Variants in ZNF512B observed in about 807,000 individuals in gnomAD.
ZNF512B encodes zinc finger protein 512B.
ZNF512B carries 22 observed loss-of-function variants against 87.8 expected under a neutral mutation model. The ratio of observed to expected loss-of-function variants is 0.25; its 90% CI spans 0.18 to 0.36. The LOEUF is 0.36. ZNF512B is among the 10% of genes least tolerant of loss of function. The pLI, the probability that ZNF512B is intolerant of heterozygous loss-of-function variation, is 1.00. For missense variants in ZNF512B, 1,060 were observed against 1,231.6 expected (o/e 0.86, Z 2.09); for synonymous variants, 524 against 490.9 (o/e 1.07, Z -0.89).
chr20:63,964,498 G>T lies in ZNF512B; in HGVS notation c.1253C>A (p.Thr418Lys). The T allele has an allele frequency of 6.2e-7, 1 of 1,612,918 alleles. No homozygotes were observed. ...TGGAGCTCTCATCTTACTGTGCTTT[G>T]TGCGCTCCGGGTCCTCCTCAGGCGG... The part of the protein sequence containing the change: ...ASPPEEDPER[T>K]KHRRKQKTPK... The change falls in exon 6 of 17, where the codon ACA (threonine) becomes AAA (lysine). Residue 418 changes from threonine (T) to lysine (K), a missense_variant. Coordinates refer to ENST00000369888, the MANE Select transcript of ZNF512B (RefSeq NM_020713.3).
chr20:63,962,907 C>G (rs764953168), intron 12 of ZNF512B, 126 bp from the exon 13 acceptor site: 3 of 1,266,430 alleles, frequency 2.4e-6, no homozygotes, highest in Non-Finnish European at 3.2e-6. Flanking sequence ...ACATGGCTGA[C>G]GCAGGCAACC....
Position 63,958,209 on chromosome 20 carries a change from G to C in ZNF512B, c.*1679C>G, listed in dbSNP as rs2058804437. ...AGCCCAGTGGGGCCCCTTCTCCCTGGGGAATGGGGGAGGGTGGGTGCTGGG... is the reference window on the plus strand; with the variant it reads ...AGCCCAGTGGGGCCCCTTCTCCCTGCGGAATGGGGGAGGGTGGGTGCTGGG... On this transcript the variant is annotated 3_prime_UTR_variant, in exon 17 of 17. Coordinates refer to ENST00000369888, the MANE Select transcript of ZNF512B (RefSeq NM_020713.3). The C allele has an allele frequency of 6.6e-6, 1 of 152,242 alleles. No homozygotes were observed. The highest frequency in any genetic ancestry group is 6.6e-5 in the Admixed American group (1 of 15,264). 9.4% of individuals were successfully genotyped at this position (152,242 alleles called of 1,614,324 possible).
chr20:63,964,500 G>A lies in ZNF512B; in HGVS notation c.1251C>T (p.Arg417=). The stretch of plus-strand genomic sequence containing the variant: ...GAGCTCTCATCTTACTGTGCTTTGT[G>A]CGCTCCGGGTCCTCCTCAGGCGGGG... ...PASPPEEDPE[R]TKHRRKQKTP... is the part of the protein sequence containing the mutation. Residue 417 remains arginine (R), a synonymous_variant, in exon 6 of 17, where the codon CGC becomes CGT. Coordinates refer to ENST00000369888, the MANE Select transcript of ZNF512B (RefSeq NM_020713.3). 6.2e-7 allele frequency: 1 copy of A among 1,612,892 alleles called. No homozygotes were observed.
Position 63,964,303 on chromosome 20 carries a change from C to T in ZNF512B, c.1333+17G>A, listed in dbSNP as rs1428866362. On this transcript the variant is annotated intron_variant, in intron 7 of 16. Transcript: ENST00000369888. The stretch of plus-strand genomic sequence containing the variant: ...ACAGCCCCAGCCCTGGAGGTGCACA[C>T]CGGGCTGGGGTCTTACCTTTGAGCC... 6.2e-7 allele frequency: 1 copy of T among 1,613,872 alleles called. No individual in the cohort carries two copies.
chr20:63,962,607 G>A lies in ZNF512B; in HGVS notation c.2143C>T (p.Leu715Phe). ...DWTKRRMKDD[L>F]VPETARLNYT... Reference sequence around the variant, plus strand: ...CTCACCCGTGCGGTCTCGGGCACAAGGTCATCCTTCATGCGCCGCTTGGTC... The same window carrying A: ...CTCACCCGTGCGGTCTCGGGCACAAAGTCATCCTTCATGCGCCGCTTGGTC... The change falls in exon 13 of 17, where the codon CTT becomes TTT. Residue 715 changes from leucine (L) to phenylalanine (F), a missense_variant. Physicochemically the swap from Leu to Phe is conservative, Grantham distance 22. Around this residue, in one of 9 missense-constraint regions of ZNF512B, gnomAD observed 253 missense variants for 259.2 expected, o/e 0.98. Coordinates refer to ENST00000369888, the MANE Select transcript of ZNF512B (RefSeq NM_020713.3). 1.2e-6 allele frequency: 2 copies of A among 1,607,234 alleles called. No individual in the cohort carries two copies.
In ZNF512B at chr20:63,964,551, C is replaced by T. The variant is rs763064210; in HGVS notation, c.1200G>A (p.Glu400=). The T allele has an allele frequency of 1.2e-5, 19 of 1,613,038 alleles. 1 individual carries two copies. The South Asian group carries it at 1.9e-4, about 16-fold the overall frequency. The stretch of plus-strand genomic sequence containing the variant: ...ACGCAGGGCCTGCAGCCTTCAGTGC[C>T]TCCATGCCCCCTGACGGCCTGCTGC... ...SPGSRPSGGM[E]ALKAAGPASP... Residue 400 remains glutamate, a synonymous_variant, in exon 6 of 17, where the codon GAG becomes GAA. Coordinates refer to ENST00000369888, the MANE Select transcript of ZNF512B (RefSeq NM_020713.3).
In ZNF512B at chr20:63,959,557, C is replaced by A. The variant is rs944348294; in HGVS notation, c.*331G>T. 1.8e-5 allele frequency: 6 copies of A among 336,752 alleles called. No individual in the cohort carries two copies. Among genetic ancestry groups the A allele is most frequent in the Non-Finnish European group, 3.2e-5 (6 of 186,240 alleles). The allele number at this position is 336,752 out of a possible 1,614,324, so 20.9% of individuals were successfully genotyped here. A position where few individuals can be genotyped will look rare whatever the true frequency, so the allele number is the denominator to read the frequency against. Reference sequence around the variant, plus strand: ...CCGGCAGGGCCTGAGGAAGCGGAGCCGGGGGGCCAAAGGCCATCTGCCTAC... The same window carrying A: ...CCGGCAGGGCCTGAGGAAGCGGAGCAGGGGGGCCAAAGGCCATCTGCCTAC... On this transcript the variant is annotated 3_prime_UTR_variant, in exon 17 of 17. Transcript: ENST00000369888.
rs1441110379 is a variant in ZNF512B, at chr20:63,968,319, C to T, written c.-2-367G>A. Among the ~76,000 whole-genome samples the T allele has an allele frequency of 1.3e-5, 2 of 152,220 alleles. 1 individual carries two copies. The highest frequency in any genetic ancestry group is 1.3e-4 in the Admixed American group (2 of 15,288). ...GATGCCGAAGGTGATGCACTCCTAC[C>T]CAGTGCTGGGAGGGGGTGTGCCCCT... On this transcript the variant is annotated intron_variant, in intron 1 of 16. Coordinates refer to ENST00000369888, the MANE Select transcript of ZNF512B (RefSeq NM_020713.3).
chr20:63,964,562 C>T lies in ZNF512B; in HGVS notation c.1189G>A (p.Gly397Arg), dbSNP rs1189766596. 1.2e-6 allele frequency: 2 copies of T among 1,612,968 alleles called. No individual in the cohort carries two copies. Among genetic ancestry groups the T allele is most frequent in the Non-Finnish European group, 1.7e-6 (2 of 1,179,952 alleles). Residue 397 changes from glycine (G) to arginine (R), a missense_variant, in exon 6 of 17, where the codon GGG (glycine) becomes AGG (arginine). Transcript: ENST00000369888. ...GCAGCCTTCAGTGCCTCCATGCCCCCTGACGGCCTGCTGCCTGGCGACAAG... is the reference window on the plus strand; with the variant it reads ...GCAGCCTTCAGTGCCTCCATGCCCCTTGACGGCCTGCTGCCTGGCGACAAG... ...GSLSPGSRPS[G>R]GMEALKAAGP... is the part of the protein sequence containing the mutation.
chr20:63,966,264 T>TTGCTGACCACAATGGGCC lies in ZNF512B; in HGVS notation c.893_910dup (p.Arg298_Ser303dup), dbSNP rs2058924415. 1.2e-6 allele frequency: 2 copies of TTGCTGACCACAATGGGCC among 1,613,916 alleles called. No individual in the cohort carries two copies. The highest frequency in any genetic ancestry group is 2.7e-5 in the African/African-American group (2 of 75,064). On this transcript the variant is annotated inframe_insertion, in exon 5 of 17. Transcript: ENST00000369888. The stretch of plus-strand genomic sequence containing the variant: ...AATGGGCCTGCTGACTGTCACCGGC[T>TTGCTGACCACAATGGGCC]TGCTGACCACAATGGGCCTGCTGAC...
At position 63,962,593 on chromosome 20, in the gene ZNF512B, G is replaced by A. The variant is rs777098899; in HGVS notation, c.2157C>T (p.Thr719=). ...RRMKDDLVPE[T]ARLNYTRPGL... is the part of the protein sequence containing the mutation. ...CCTGGGGGGGGCAGCTCACCCGTGC[G>A]GTCTCGGGCACAAGGTCATCCTTCA... Residue 719 remains threonine (T), a synonymous_variant, in exon 13 of 17, where the codon ACC becomes ACT. Transcript: ENST00000369888. 5.7e-5 allele frequency: 92 copies of A among 1,604,970 alleles called. 2 individuals carry two copies. Among genetic ancestry groups the A allele is most frequent in the South Asian group, 2.0e-4 (18 of 90,506 alleles).
At position 63,961,537 on chromosome 20, in the gene ZNF512B, T is replaced by G; in HGVS notation, c.2329-130A>C. The G allele has an allele frequency of 1.2e-6, 1 of 855,496 alleles. No homozygotes were observed. Among genetic ancestry groups the G allele is most frequent in the Middle Eastern group, 2.8e-4 (1 of 3,620 alleles). 53.0% of individuals were successfully genotyped at this position (855,496 alleles called of 1,614,324 possible). A position where few individuals can be genotyped will look rare whatever the true frequency, so the allele number is the denominator to read the frequency against. ...AGCTGTGGCTGTCTGTGCCAGACAA[T>G]GCAGGGGGCCACTGAGTTACCAGGG... On this transcript the variant is annotated intron_variant, in intron 15 of 16. Transcript: ENST00000369888. This position sits in a 1 kb window ranked among gnomAD's most constrained non-coding sequence, Gnocchi z 6.4.
intron 1 of ZNF512B, among the ~76,000 whole-genome samples, chr20:63,968,812 G>A (rs747933339): frequency 3.3e-5 from 5 of 152,252 alleles, no homozygotes; most frequent in African/African-American, 4.8e-5. Context: ...CAGAGAGAAC[G>A]CCCTGCTGCC....
At chr20:63,967,775 T>C in intron 2 of ZNF512B, 55 bp downstream of exon 2, 2 of 1,585,388 alleles carry the variant, frequency 1.3e-6, no homozygotes, top group Non-Finnish European at 8.6e-7. Flanking sequence ...GGTCCACTCC[T>C]ACCACTTGCT....
In ZNF512B at chr20:63,960,154, G is replaced by A; in HGVS notation, c.2428-15C>T. Reference sequence around the variant, plus strand: ...CGGAACCAGTTCTGGGGAGAGAAAAGCGCTGATGAAGACCTGGGACTGGAT... The same window carrying A: ...CGGAACCAGTTCTGGGGAGAGAAAAACGCTGATGAAGACCTGGGACTGGAT... On this transcript the variant is annotated splice_polypyrimidine_tract_variant and intron_variant, in intron 16 of 16. Transcript: ENST00000369888. 1 of 1,612,772 alleles carries A rather than the reference G, an allele frequency of 6.2e-7. No homozygotes were observed.
intron 3 of ZNF512B, 78 bp from the exon 4 acceptor site, chr20:63,967,082 C>A: frequency 3.1e-6 from 5 of 1,592,466 alleles, no homozygotes; most frequent in Non-Finnish European, 4.3e-6. Context: ...ACTCAGAGCC[C>A]CCCCGGGCCT....
intron 12 of ZNF512B, 118 bp from the exon 13 acceptor site, chr20:63,962,899 A>G (rs1293893447): frequency 2.3e-5 from 30 of 1,281,002 alleles, no homozygotes; most frequent in Non-Finnish European, 3.0e-5. Flanking sequence ...TGCTGGGGAC[A>G]TGGCTGACGC....
At position 63,966,398 on chromosome 20, in the gene ZNF512B, T is replaced by C; in HGVS notation, c.777A>G (p.Thr259=). 1 of 1,613,754 alleles carries C rather than the reference T, an allele frequency of 6.2e-7. No individual in the cohort carries two copies. The change falls in exon 5 of 17, where the codon ACA becomes ACG. Residue 259 remains threonine (T), a synonymous_variant. Transcript: ENST00000369888. ...TKAMPVTKPI[T]VTKSVPVTKP... ...TGGTGACCGGCACAGACTTGGTGACTGTGATGGGTTTGGTGACCGGCATGG... is the reference window on the plus strand; with the variant it reads ...TGGTGACCGGCACAGACTTGGTGACCGTGATGGGTTTGGTGACCGGCATGG...
intron 16 of ZNF512B, among the ~76,000 whole-genome samples, chr20:63,960,824 A>G (rs577615461): frequency 2.1e-4 from 29 of 135,166 alleles, no homozygotes; most frequent in African/African-American, 7.1e-4. Flanking sequence ...CACAGCCTTC[A>G]GGACCAGGCA....
Sources: allele counts gnomAD v4.1 joint callset (sites outside exome capture counted in the v4.1 genomes callset), GRCh38; gene constraint gnomAD v4.1.1; regional missense constraint gnomAD v4.1.1; non-coding constraint Gnocchi (gnomAD v3.1); transcripts MANE v1.5; gene names NCBI Gene and HGNC (gene_info 2026-07-23, HGNC 2026-07-21).